The following PAPOLA variants were observed in gnomAD, a reference collection of about 807,000 sequenced individuals.
PAPOLA encodes the protein polynucleotide adenylyltransferase alpha.
A neutral mutation model predicts 100.6 loss-of-function variants in PAPOLA; 15 were observed. The observed-to-expected ratio is 0.15, with a 90% CI of 0.10 to 0.23. PAPOLA has a LOEUF of 0.23. PAPOLA is among the 10% of genes least tolerant of loss of function. The probability of loss-of-function intolerance (pLI) is 1.00; values close to 1 mark genes in which losing one functional copy is unlikely to be tolerated. For missense variants in PAPOLA, 533 were observed against 884.2 expected, an observed-to-expected ratio of 0.60 and a Z score of 5.04; for synonymous variants, 293 against 300.0, an observed-to-expected ratio of 0.98 and a Z score of 0.24.
intron 1 of PAPOLA, among the ~76,000 whole-genome samples, chr14:96,509,437 CA>C (rs1896953772): frequency 6.6e-6 from 1 of 152,000 alleles, no homozygotes; most frequent in South Asian, 2.1e-4. Flanking sequence ...AAAATGTATA[CA>C]AAAGTATATA....
intron 15 of PAPOLA, among the ~76,000 whole-genome samples, chr14:96,546,432 T>C (rs982038784): frequency 6.6e-6 from 1 of 152,120 alleles, no homozygotes; most frequent in Non-Finnish European, 1.5e-5. Context: ...CCTTTGAGTA[T>C]TTGTCTCACT....
chr14:96,514,242 CG>C (rs1444822738), intron 1 of PAPOLA, among the ~76,000 whole-genome samples: 2 of 149,670 alleles, frequency 1.3e-5, no homozygotes, highest in African/African-American at 2.5e-5. Context: ...GCTGGGATCT[CG>C]GCTCACTGCA....
Position 96,531,547 on chromosome 14 carries a change from C to A in PAPOLA, c.568C>A (p.Leu190Ile). 6.2e-7 allele frequency: 1 copy of A among 1,608,974 alleles called. No individual in the cohort carries two copies. The highest frequency in any genetic ancestry group is 8.5e-7 in the Non-Finnish European group (1 of 1,176,240). The change falls in exon 7 of 22, where the codon CTA becomes ATA. Residue 190 changes from leucine (L) to isoleucine (I), a missense_variant. Around this residue, in one of 9 missense-constraint regions of PAPOLA, gnomAD observed 33 missense variants for 39.2 expected, o/e 0.84. Transcript: ENST00000216277. Reference protein sequence around the residue: ...EDLDLRDDSLLKNLDIRCIRS... With the variant: ...EDLDLRDDSLIKNLDIRCIRS... Reference sequence around the variant, plus strand: ...TTTGGATCTACGAGATGACAGTCTGCTAAAAAATTTAGATATAAGATGTAT... The same window carrying A: ...TTTGGATCTACGAGATGACAGTCTGATAAAAAATTTAGATATAAGATGTAT...
intron 1 of PAPOLA, 24 bp downstream of exon 1, chr14:96,502,624 C>T (rs978758300): frequency 6.4e-7 from 1 of 1,569,220 alleles, no homozygotes; most frequent in East Asian, 2.4e-5. Context: ...ATTCTGTTTT[C>T]TTTCGCTCGC....
chr14:96,538,781 C>T (rs538614032), intron 12 of PAPOLA, among the ~76,000 whole-genome samples: 3 of 152,090 alleles, frequency 2.0e-5, no homozygotes, highest in South Asian at 2.1e-4. Context: ...TTTTTAAAGA[C>T]ATCCTCATAT....
rs139515780 is a variant in PAPOLA at position 96,533,363 on chromosome 14, G to A, written c.836+714G>A. On this transcript the variant is annotated intron_variant, in intron 9 of 21. Transcript: ENST00000216277. ...CTCCTGCTCCTCCCTCTGCAAAAGA[G>A]ATGTTCTTTTCTAGTAATTTTATAA... 5.4e-4 allele frequency: 527 copies of A among 981,894 alleles called. 3 individuals are homozygous for A. The African/African-American group carries it at 8.7e-3, about 16-fold the overall frequency. The allele number at this position is 981,894 out of a possible 1,614,324, so 60.8% of individuals were successfully genotyped here. A position where few individuals can be genotyped will look rare whatever the true frequency, so the allele number is the denominator to read the frequency against.
chr14:96,566,194 T>C lies in PAPOLA; in HGVS notation c.*1144T>C, dbSNP rs1902257342. The C allele has an allele frequency of 3.0e-6, 1 of 333,566 alleles. No homozygotes were observed. Among genetic ancestry groups the C allele is most frequent in the Non-Finnish European group, 5.4e-6 (1 of 185,112 alleles). 20.7% of individuals were successfully genotyped at this position (333,566 alleles called of 1,614,324 possible). ...TCCAAGATTTTAAAACTAATTCTTA[T>C]TTTTAAATGGTTTACCAAAATTTGT... On this transcript the variant is annotated 3_prime_UTR_variant, in exon 22 of 22. Coordinates refer to ENST00000216277, the MANE Select transcript of PAPOLA (RefSeq NM_032632.5).
intron 3 of PAPOLA, among the ~76,000 whole-genome samples, chr14:96,521,428 CAGTT>C (rs562205140): frequency 4.6e-5 from 7 of 152,118 alleles, no homozygotes; most frequent in Non-Finnish European, 8.8e-5. Context: ...AATTCTGCCA[CAGTT>C]AGTTTTTAAA....
At chr14:96,530,665 C>T (rs994504735) in intron 6 of PAPOLA, among the ~76,000 whole-genome samples, 4 of 151,798 alleles carry the variant, frequency 2.6e-5, no homozygotes, top group Admixed American at 1.3e-4. Context: ...GGACTACCGG[C>T]GGGAGCCACT....
chr14:96,524,895 G>A (rs898186958), intron 3 of PAPOLA, among the ~76,000 whole-genome samples: 13 of 152,220 alleles, frequency 8.5e-5, no homozygotes, highest in Admixed American at 2.6e-4. Flanking sequence ...GGTAAAAATC[G>A]TTGAATATAA....
intron 21 of PAPOLA, among the ~76,000 whole-genome samples, chr14:96,563,599 G>C (rs1044977884): frequency 4.6e-5 from 7 of 152,142 alleles, no homozygotes; most frequent in Admixed American, 3.3e-4. Flanking sequence ...AACAACTGCT[G>C]CTGTACTGAT....
intron 3 of PAPOLA, among the ~76,000 whole-genome samples, chr14:96,522,907 G>A (rs549392598): frequency 1.3e-5 from 2 of 152,238 alleles, no homozygotes; most frequent in African/African-American, 4.8e-5. Context: ...CTGAAAGGTT[G>A]AAAAGAGAAC....
At chr14:96,508,715 T>G (rs1054645476) in intron 1 of PAPOLA, among the ~76,000 whole-genome samples, 2 of 152,258 alleles carry the variant, frequency 1.3e-5, no homozygotes, top group African/African-American at 4.8e-5. Context: ...ATTTGGCTTC[T>G]TAGCTAGTTC....
Position 96,534,533 on chromosome 14 carries a change from C to T in PAPOLA, c.879C>T (p.Cys293=). 6.2e-7 allele frequency: 1 copy of T among 1,613,794 alleles called. No homozygotes were observed. Among genetic ancestry groups the T allele is most frequent in the Non-Finnish European group, 8.5e-7 (1 of 1,179,828 alleles). ...TGCTATTGAAACAGCCTGAAGAATG[C>T]AATCTTAATTTGCCTGTATGGGACC... The part of the protein sequence containing the change: ...NPVLLKQPEE[C]NLNLPVWDPR... Residue 293 remains cysteine (C), a synonymous_variant, in exon 10 of 22, where the codon TGC becomes TGT. Transcript: ENST00000216277.
intron 1 of PAPOLA, among the ~76,000 whole-genome samples, chr14:96,510,321 T>C (rs1359877927): frequency 6.6e-6 from 1 of 152,224 alleles, no homozygotes; most frequent in Non-Finnish European, 1.5e-5. Context: ...TCACACTCTT[T>C]CGTACTTTTT....
chr14:96,509,365 A>C (rs112790747), intron 1 of PAPOLA, among the ~76,000 whole-genome samples: 2,125 of 152,282 alleles, frequency 0.014, 45 homozygotes, highest in African/African-American at 0.048. Context: ...AAGTAGAATT[A>C]ATTTTCAAGC....
chr14:96,534,415 T>A (rs1899342468), intron 9 of PAPOLA, 76 bp from the exon 10 acceptor site: 1 of 1,571,698 alleles, frequency 6.4e-7, no homozygotes, highest in African/African-American at 1.4e-5. Flanking sequence ...CGTTCACAAA[T>A]GCTGTATGTT....
At chr14:96,535,644 T>A in intron 10 of PAPOLA, 1 of 1,020,694 alleles carries the variant, frequency 9.8e-7, no homozygotes, top group Non-Finnish European at 1.2e-6. Context: ...CAGGCACACT[T>A]TCTAGTAAGG....
chr14:96,519,976 AT>A, intron 1 of PAPOLA, 78 bp from the exon 2 acceptor site: 1 of 1,200,446 alleles, frequency 8.3e-7, no homozygotes. Context: ...GTGTTACTAA[AT>A]TAGTTTTTCT....
Sources: gnomAD v4.1 joint callset for allele counts (sites outside exome capture counted in the v4.1 genomes callset) on GRCh38, gnomAD v4.1.1 for gene constraint, gnomAD v4.1.1 regional missense constraint, MANE v1.5 for transcripts, NCBI Gene and HGNC (gene_info 2026-07-23, HGNC 2026-07-21) for gene names.